The following RAB44 variants were observed in gnomAD, a reference collection of about 807,000 sequenced individuals.
RAB44 encodes the protein ras-related protein Rab-44.
Under a neutral mutation model 93.3 loss-of-function variants are expected in RAB44, and 67 were observed. The observed-to-expected ratio is 0.72, with a 90% CI of 0.59 to 0.88. The LOEUF (loss-of-function observed/expected upper bound fraction) is 0.88, where lower values mean the gene tolerates loss of function less well. RAB44 is among the 40% of genes least tolerant of loss of function. RAB44 has a pLI of 0.00. For synonymous variants in RAB44, 427 were observed against 520.3 expected (o/e 0.82, Z 2.44); for missense variants, 1,064 against 1,261.7 (o/e 0.84, Z 2.37).
At position 36,722,538 on chromosome 6, in the gene RAB44, G is replaced by A; in HGVS notation, c.2404G>A (p.Glu802Lys). ...SREPRAESRL[E>K]DPGMDSREAG... Reference sequence around the variant, plus strand: ...GGAACCAAGGGCAGAGAGCAGGCTTGAAGATCCAGGAATGGACTCCAGGGA... The same window carrying A: ...GGAACCAAGGGCAGAGAGCAGGCTTAAAGATCCAGGAATGGACTCCAGGGA... The change falls in exon 9 of 14, where the codon GAA becomes AAA. Residue 802 changes from glutamate (E) to lysine (K), a missense_variant. Transcript: ENST00000612677. The A allele has an allele frequency of 6.5e-7, 1 of 1,540,940 alleles. No homozygotes were observed. Among genetic ancestry groups the A allele is most frequent in the Non-Finnish European group, 8.8e-7 (1 of 1,141,506 alleles).
Position 36,717,565 on chromosome 6 carries a change from A to C in RAB44, c.641+146A>C. ...GCTGCGCTGGAGGAAGAGGTGGCTC[A>C]GGGGACCGGGTGGGGAGGACAGAGT... On this transcript the variant is annotated intron_variant, in intron 5 of 13. Transcript: ENST00000612677. The surrounding 1 kb of genome is among the most constrained non-coding windows in gnomAD (Gnocchi z 4.1). 1 of 956,598 alleles carries C rather than the reference A, an allele frequency of 1.0e-6. No individual in the cohort carries two copies. Among genetic ancestry groups the C allele is most frequent in the Non-Finnish European group, 1.4e-6 (1 of 737,658 alleles). 59.3% of individuals were successfully genotyped at this position (956,598 alleles called of 1,614,324 possible).
chr6:36,718,553 C>T lies in RAB44; in HGVS notation c.793C>T (p.Arg265Cys), dbSNP rs544222392. 7.3e-6 allele frequency: 9 copies of T among 1,234,064 alleles called. No individual in the cohort carries two copies. The highest frequency in any genetic ancestry group is 8.2e-5 in the South Asian group (2 of 24,408). 76.4% of individuals were successfully genotyped at this position (1,234,064 alleles called of 1,614,324 possible). A position where few individuals can be genotyped will look rare whatever the true frequency, so the allele number is the denominator to read the frequency against. ...GCAGGACGTCCTAGAGGCCAAGGAG[C>T]GCGAGGTGCAGCGACTAGCTGAGGG... is the stretch of plus-strand genomic sequence containing the variant. Reference protein sequence around the residue: ...QMQDVLEAKEREVQRLAEGQR... With the variant: ...QMQDVLEAKECEVQRLAEGQR... Residue 265 changes from arginine to cysteine, a missense_variant, in exon 7 of 14, where the codon CGC (arginine) becomes TGC (cysteine). Arg to Cys is a radical substitution (Grantham distance 180). Coordinates refer to ENST00000612677, the MANE Select transcript of RAB44 (RefSeq NM_001257357.2).
intron 7 of RAB44, among the ~76,000 whole-genome samples, chr6:36,719,353 C>T (rs1329135511): frequency 1.3e-5 from 2 of 152,346 alleles, no homozygotes; most frequent in South Asian, 2.1e-4. Flanking sequence ...AGGCAGGCCC[C>T]TCCTGCCAAG....
Position 36,723,007 on chromosome 6 carries a change from T to C in RAB44, c.2599+274T>C, listed in dbSNP as rs1423173129. Among the ~76,000 whole-genome samples, 6 of 152,302 alleles carry C rather than the reference T, an allele frequency of 3.9e-5. No individual in the cohort carries two copies. In the East Asian group the frequency reaches 5.8e-4, roughly 15 times the overall value. Reference sequence around the variant, plus strand: ...CCTGCAATTTAGGTGCCTGCGAGAGTTGATGGTGAAAACAAGCAAGTATCC... The same window carrying C: ...CCTGCAATTTAGGTGCCTGCGAGAGCTGATGGTGAAAACAAGCAAGTATCC... On this transcript the variant is annotated intron_variant, in intron 9 of 13. Transcript: ENST00000612677.
chr6:36,718,495 C>T lies in RAB44; in HGVS notation c.735C>T (p.Ser245=), dbSNP rs236487. Residue 245 remains serine (S), a splice_region_variant and synonymous_variant, in exon 7 of 14, where the codon AGC becomes AGT. Transcript: ENST00000612677. ...RQEKQQLQAE[S]DSRGLALTSQ... ...GGCTGAATCTACCTACTCCACAGAG[C>T]GACTCTCGGGGCCTGGCCCTCACCT... 0.76 allele frequency: 927,504 copies of T among 1,225,740 alleles called. 355,609 individuals carry two copies. Among genetic ancestry groups the T allele is most frequent in the Non-Finnish European group, 0.79 (771,353 of 981,650 alleles). The allele number at this position is 1,225,740 out of a possible 1,614,324, so 75.9% of individuals were successfully genotyped here. A position where few individuals can be genotyped will look rare whatever the true frequency, so the allele number is the denominator to read the frequency against.
rs146722097 is a variant in RAB44, at chr6:36,710,668, G to C, written c.208-3160G>C. Among the ~76,000 whole-genome samples, 283 of 138,620 alleles carry C rather than the reference G, an allele frequency of 2.0e-3. 1 individual carries two copies. Among genetic ancestry groups the C allele is most frequent in the Non-Finnish European group, 3.2e-3 (212 of 66,198 alleles). 90.9% of individuals were successfully genotyped at this position (138,620 alleles called of 152,430 possible). On this transcript the variant is annotated intron_variant, in intron 2 of 13. Coordinates refer to ENST00000612677, the MANE Select transcript of RAB44 (RefSeq NM_001257357.2). The stretch of plus-strand genomic sequence containing the variant: ...GAGTCTCACTCTGTCATCCAGGCTG[G>C]AGTGCAGTGGCATGATCTTGGCTCA...
chr6:36,721,777 G>A lies in RAB44; in HGVS notation c.1643G>A (p.Gly548Glu). The A allele has an allele frequency of 8.1e-7, 1 of 1,234,562 alleles. No homozygotes were observed. 76.5% of individuals were successfully genotyped at this position (1,234,562 alleles called of 1,614,324 possible). The part of the protein sequence containing the change: ...PSGAQPGAGA[G>E]PQEPTQTPPT... ...GGGGCTCAGCCTGGGGCTGGAGCAG[G>A]ACCCCAGGAACCCACACAAACCCCT... The change falls in exon 9 of 14, where the codon GGA becomes GAA. Residue 548 changes from glycine to glutamate, a missense_variant. By Grantham distance (98) the Gly-to-Glu change is moderately conservative. Transcript: ENST00000612677.
intron 1 of RAB44, among the ~76,000 whole-genome samples, chr6:36,703,477 TGA>T (rs151322904): frequency 6.6e-6 from 1 of 150,662 alleles, no homozygotes; most frequent in East Asian, 2.0e-4. Flanking sequence ...TGTAAGGGAG[TGA>T]GAGAGTTGAG....
Position 36,722,253 on chromosome 6 carries a change from C to T in RAB44, c.2119C>T (p.His707Tyr). ...SVEAHGLETAHSELPQQDSLL... is the reference protein window; with the variant it reads ...SVEAHGLETAYSELPQQDSLL... ...TGAGGCTCACGGCCTAGAAACTGCG[C>T]ATTCGGAACTCCCCCAGCAAGACTC... The change falls in exon 9 of 14, where the codon CAT becomes TAT. Residue 707 changes from histidine to tyrosine, a missense_variant. Transcript: ENST00000612677. The T allele has an allele frequency of 7.8e-7, 1 of 1,274,168 alleles. No individual in the cohort carries two copies. Among genetic ancestry groups the T allele is most frequent in the Non-Finnish European group, 9.9e-7 (1 of 1,011,870 alleles). The allele number at this position is 1,274,168 out of a possible 1,614,324, so 78.9% of individuals were successfully genotyped here.
intron 1 of RAB44, among the ~76,000 whole-genome samples, chr6:36,699,833 A>G (rs6906101): frequency 0.4 from 60,564 of 152,134 alleles, 12,078 homozygotes; most frequent in East Asian, 0.46. Flanking sequence ...CTTTATCAAT[A>G]TCATCACCAC....
intron 2 of RAB44, among the ~76,000 whole-genome samples, chr6:36,707,550 C>T (rs1428422294): frequency 2.0e-5 from 3 of 150,140 alleles, no homozygotes. Context: ...TATTGTTCTG[C>T]CGGATCTTGG....
Position 36,731,551 on chromosome 6 carries a change from C to T in RAB44, c.2976-452C>T, listed in dbSNP as rs749770162. Among the ~76,000 whole-genome samples the T allele has an allele frequency of 7.2e-5, 11 of 152,162 alleles. 1 individual carries two copies. Among genetic ancestry groups the T allele is most frequent in the Admixed American group, 2.6e-4 (4 of 15,284 alleles). On this transcript the variant is annotated intron_variant, in intron 13 of 13. Transcript: ENST00000612677. This position sits in a 1 kb window ranked among gnomAD's most constrained non-coding sequence, Gnocchi z 4.0. ...TGCTTCCCCAGCCTCCAAGCTCTCTCGGCACTGAGCCGCGCCATGGCCCTC... is the reference window on the plus strand; with the variant it reads ...TGCTTCCCCAGCCTCCAAGCTCTCTTGGCACTGAGCCGCGCCATGGCCCTC...
At chr6:36,700,959 A>G (rs550895846) in intron 1 of RAB44, among the ~76,000 whole-genome samples, 1 of 152,298 alleles carries the variant, frequency 6.6e-6, no homozygotes, top group South Asian at 2.1e-4. Flanking sequence ...AGGGGTATCT[A>G]TGTGGTCACT....
At position 36,725,824 on chromosome 6, in the gene RAB44, G is replaced by A. The variant is rs970947789; in HGVS notation, c.2600-38G>A. 1.6e-5 allele frequency: 23 copies of A among 1,465,756 alleles called. No individual in the cohort carries two copies. In the African/African-American group the frequency reaches 2.5e-4, roughly 16 times the overall value. 90.8% of individuals were successfully genotyped at this position (1,465,756 alleles called of 1,614,324 possible). A position where few individuals can be genotyped will look rare whatever the true frequency, so the allele number is the denominator to read the frequency against. On this transcript the variant is annotated intron_variant, in intron 9 of 13. Transcript: ENST00000612677. ...AGGCCTTGGCTAGGAGTCCTGGATG[G>A]TAACTTAGTAGGCTTCACCCCTCTC...
At chr6:36,714,782 A>G (rs1047939560) in intron 3 of RAB44, among the ~76,000 whole-genome samples, 5 of 152,212 alleles carry the variant, frequency 3.3e-5, no homozygotes, top group Non-Finnish European at 5.9e-5. Flanking sequence ...TGCCTGTGGG[A>G]CAAACTGGAA....
At chr6:36,700,497 G>C (rs1466552791) in intron 1 of RAB44, among the ~76,000 whole-genome samples, 2 of 152,154 alleles carry the variant, frequency 1.3e-5, no homozygotes, top group African/African-American at 4.8e-5. Context: ...CTGGAGTGCA[G>C]TGGTGAATCA....
At chr6:36,715,873 A>C (rs186599892) in intron 4 of RAB44, among the ~76,000 whole-genome samples, 3 of 152,274 alleles carry the variant, frequency 2.0e-5, no homozygotes, top group Admixed American at 2.0e-4. Flanking sequence ...GTGGGGTTAA[A>C]ACCACGTGCA....
At chr6:36,728,646 G>A in intron 11 of RAB44, 54 bp from the exon 12 acceptor site, 1 of 1,468,222 alleles carries the variant, frequency 6.8e-7, no homozygotes, top group East Asian at 2.5e-5. Flanking sequence ...AGGCAAATGT[G>A]CCAGGAGCCT....
At chr6:36,715,385 T>G in intron 3 of RAB44, 94 bp from the exon 4 acceptor site, 1 of 1,144,718 alleles carries the variant, frequency 8.7e-7, no homozygotes, top group South Asian at 1.5e-5. Context: ...ACAGGTAGAA[T>G]TACTTCCCTG....
Sources: gnomAD v4.1 joint callset for allele counts (sites outside exome capture counted in the v4.1 genomes callset) on GRCh38, gnomAD v4.1.1 for gene constraint, Gnocchi (gnomAD v3.1) non-coding constraint, MANE v1.5 for transcripts, NCBI Gene and HGNC (gene_info 2026-07-23, HGNC 2026-07-21) for gene names.